The following GRIP1 variants were observed in gnomAD, a reference collection of about 807,000 sequenced individuals.
GRIP1 encodes the protein glutamate receptor-interacting protein 1.
A neutral mutation model predicts 129.9 loss-of-function variants in GRIP1; 45 were observed. That is an observed-to-expected ratio of 0.35 (90% CI 0.27 to 0.44). The LOEUF (loss-of-function observed/expected upper bound fraction) is 0.44, where lower values mean the gene tolerates loss of function less well. Ranked by LOEUF, GRIP1 falls within the 20% of genes least tolerant of loss-of-function variation. GRIP1 has a pLI of 1.00. For missense variants in GRIP1, 1,196 were observed against 1,396.8 expected (o/e 0.86, Z 2.29); for synonymous variants, 530 against 520.8 (o/e 1.02, Z -0.24).
intron 2 of GRIP1, among the ~76,000 whole-genome samples, chr12:66,566,332 T>G (rs1315082632): frequency 6.6e-6 from 1 of 152,046 alleles, no homozygotes; most frequent in Non-Finnish European, 1.5e-5. Flanking sequence ...AGCATGAAGG[T>G]TGTTGAATTT....
intron 1 of GRIP1, among the ~76,000 whole-genome samples, chr12:66,978,813 A>G (rs1333781577): frequency 6.6e-6 from 1 of 152,190 alleles, no homozygotes; most frequent in African/African-American, 2.4e-5. Flanking sequence ...GTGCAATGAC[A>G]TTTCATTTTC....
At chr12:66,444,154 C>G (rs1180481954) in intron 13 of GRIP1, among the ~76,000 whole-genome samples, 1 of 152,064 alleles carries the variant, frequency 6.6e-6, no homozygotes, top group Non-Finnish European at 1.5e-5. Context: ...AAAACGACAC[C>G]CCAAACCTCC....
chr12:66,420,886 G>A, intron 14 of GRIP1, 97 bp from the exon 15 acceptor site: 1 of 758,888 alleles, frequency 1.3e-6, no homozygotes, highest in Non-Finnish European at 2.4e-6. Context: ...TGCAAGTAAT[G>A]TTTGTATGCA....
At chr12:66,634,697 A>T (rs2031182378) in intron 1 of GRIP1, among the ~76,000 whole-genome samples, 1 of 152,230 alleles carries the variant, frequency 6.6e-6, no homozygotes, top group Non-Finnish European at 1.5e-5. Context: ...AAATGTTTCA[A>T]GGCAAAGAAG....
At chr12:66,708,957 T>C (rs1405057082) in intron 1 of GRIP1, among the ~76,000 whole-genome samples, 1 of 151,718 alleles carries the variant, frequency 6.6e-6, no homozygotes, top group Non-Finnish European at 1.5e-5. Context: ...TCAGATATAT[T>C]CTCTCTGATA....
At chr12:67,032,692 T>C (rs2043040566) in intron 1 of GRIP1, among the ~76,000 whole-genome samples, 1 of 152,156 alleles carries the variant, frequency 6.6e-6, no homozygotes, top group Non-Finnish European at 1.5e-5. Context: ...AAAATGTCTC[T>C]AGACATTACC....
Position 66,371,800 on chromosome 12 carries a change from C to T in GRIP1, c.2906G>A (p.Arg969Gln), listed in dbSNP as rs781673053. 8 of 1,613,974 alleles carry T rather than the reference C, an allele frequency of 5.0e-6. No individual in the cohort carries two copies. Among genetic ancestry groups the T allele is most frequent in the Non-Finnish European group, 6.8e-6 (8 of 1,179,990 alleles). Residue 969 changes from arginine (R) to glutamine (Q), a missense_variant, in exon 23 of 25, where the codon CGG becomes CAG. Arg to Gln is a conservative substitution (Grantham distance 43, BLOSUM62 1). Around this residue, in one of 5 missense-constraint regions of GRIP1, gnomAD observed 427 missense variants for 463.3 expected, o/e 0.92. Transcript: ENST00000359742. ...CACATCTGAAGGCAGGGTGTTGCTC[C>T]GAGTTGTTTGGCTGTAGTGCGGCCG... is the stretch of plus-strand genomic sequence containing the variant. ...SSRPHYSQTTRSNTLPSDVGR... is the reference protein window; with the variant it reads ...SSRPHYSQTTQSNTLPSDVGR...
At chr12:66,638,203 A>C (rs1286236214) in intron 1 of GRIP1, among the ~76,000 whole-genome samples, 1 of 152,200 alleles carries the variant, frequency 6.6e-6, no homozygotes, top group African/African-American at 2.4e-5. Flanking sequence ...GTGAGAGTAA[A>C]AGGTTATGAA....
At chr12:66,778,381 C>T (rs1244997332) in intron 1 of GRIP1, among the ~76,000 whole-genome samples, 1 of 152,148 alleles carries the variant, frequency 6.6e-6, no homozygotes, top group East Asian at 1.9e-4. Flanking sequence ...TTCTCTGAGC[C>T]TTAGTTTCCT....
At chr12:66,777,910 T>C (rs531601124) in intron 1 of GRIP1, among the ~76,000 whole-genome samples, 147 of 152,238 alleles carry the variant, frequency 9.7e-4, no homozygotes, top group African/African-American at 3.0e-3. Context: ...TTCTCCCTCC[T>C]TCCCTCCCTC....
At chr12:66,524,173 T>C (rs886172452) in intron 5 of GRIP1, among the ~76,000 whole-genome samples, 2 of 152,170 alleles carry the variant, frequency 1.3e-5, no homozygotes, top group African/African-American at 4.8e-5. Flanking sequence ...CTGCACCAAG[T>C]GGACCTAATA....
chr12:66,947,925 A>G (rs2041697726), intron 1 of GRIP1, among the ~76,000 whole-genome samples: 1 of 152,182 alleles, frequency 6.6e-6, no homozygotes, highest in African/African-American at 2.4e-5. Flanking sequence ...CTCCTGCACT[A>G]TCTTTTTCCT....
At chr12:66,611,783 T>C (rs2064805511) in intron 1 of GRIP1, among the ~76,000 whole-genome samples, 2 of 87,122 alleles carry the variant, frequency 2.3e-5, no homozygotes, top group South Asian at 5.2e-4. Flanking sequence ...GAGAAGGCAA[T>C]TCTTTATTTT....
intron 1 of GRIP1, among the ~76,000 whole-genome samples, chr12:67,053,884 T>C (rs941691026): frequency 6.6e-6 from 1 of 151,952 alleles, no homozygotes; most frequent in African/African-American, 2.4e-5. Context: ...ATTAAAACAT[T>C]TTTAAAAATC....
chr12:66,468,233 T>C (rs899248261), intron 7 of GRIP1, among the ~76,000 whole-genome samples: 1 of 152,038 alleles, frequency 6.6e-6, no homozygotes, highest in Admixed American at 6.6e-5. Context: ...CTCCCTCATT[T>C]CCCCCTTGCT....
At chr12:66,760,088 T>C (rs1156582800) in intron 1 of GRIP1, among the ~76,000 whole-genome samples, 1 of 152,114 alleles carries the variant, frequency 6.6e-6, no homozygotes, top group African/African-American at 2.4e-5. Context: ...TCTCCTGACC[T>C]TGTGATCCAT....
intron 7 of GRIP1, among the ~76,000 whole-genome samples, chr12:66,496,991 T>C (rs927128324): frequency 1.3e-5 from 2 of 152,192 alleles, no homozygotes; most frequent in African/African-American, 4.8e-5. Flanking sequence ...TACTACTACC[T>C]TTGGAGTTCT....
At position 66,765,245 on chromosome 12, in the gene GRIP1, G is replaced by A. The variant is rs140096297; in HGVS notation, c.-420+38808C>T. Among the ~76,000 whole-genome samples, 145 of 152,136 alleles carry A rather than the reference G, an allele frequency of 9.5e-4. No individual in the cohort carries two copies. The Middle Eastern group carries it at 0.01, about 11-fold the overall frequency. On this transcript the variant is annotated intron_variant, in intron 1 of 4. Transcript: ENST00000538373. ...AACTCTTAAAGTTGAAGATGACCTC[G>A]GAGTCATTTAGGGCAATGCTGCACC...
intron 1 of GRIP1, among the ~76,000 whole-genome samples, chr12:66,643,125 G>A (rs10784571): frequency 0.19 from 28,513 of 152,150 alleles, 2,862 homozygotes; most frequent in Non-Finnish European, 0.23. Flanking sequence ...TGAGATTATG[G>A]GGAAATAAGG....
Sources: allele counts gnomAD v4.1 joint callset (sites outside exome capture counted in the v4.1 genomes callset), GRCh38; gene constraint gnomAD v4.1.1; regional missense constraint gnomAD v4.1.1; transcripts MANE v1.5; gene names NCBI Gene and HGNC (gene_info 2026-07-23, HGNC 2026-07-21).